The following PTGS2 variants were observed in gnomAD, a reference collection of about 807,000 sequenced individuals.
PTGS2 encodes the protein prostaglandin-endoperoxide synthase 2.
A neutral mutation model predicts 63.8 loss-of-function variants in PTGS2; 14 were observed. The ratio of observed to expected loss-of-function variants is 0.22; its 90% CI spans 0.14 to 0.34. PTGS2 has a LOEUF of 0.34. Ranked by LOEUF, PTGS2 falls within the 10% of genes least tolerant of loss-of-function variation. The pLI is 1.00. For missense variants in PTGS2, 533 were observed against 738.5 expected (o/e 0.72, Z 3.23); for synonymous variants, 271 against 259.5 (o/e 1.04, Z -0.43).
In PTGS2 at chr1:186,671,972, A is replaced by T. The variant is rs185983564; in HGVS notation, c.*2381T>A. 1 of 147,454 alleles carries T rather than the reference A, an allele frequency of 6.8e-6. No homozygotes were observed. Among genetic ancestry groups the T allele is most frequent in the African/African-American group, 2.7e-5 (1 of 37,510 alleles). The allele number at this position is 147,454 out of a possible 1,614,324, so 9.1% of individuals were successfully genotyped here. A position where few individuals can be genotyped will look rare whatever the true frequency, so the allele number is the denominator to read the frequency against. Reference sequence around the variant, plus strand: ...AGGTTTTGTCAGCAGATCAATGTTAATAACAAATCAAGTTTTTTTTTTAAA... The same window carrying T: ...AGGTTTTGTCAGCAGATCAATGTTATTAACAAATCAAGTTTTTTTTTTAAA... On this transcript the variant is annotated 3_prime_UTR_variant, in exon 10 of 10. Transcript: ENST00000367468.
intron 4 of PTGS2, among the ~76,000 whole-genome samples, 176 bp downstream of exon 4, chr1:186,678,085 T>G (rs1174828930): frequency 6.6e-6 from 1 of 152,214 alleles, no homozygotes; most frequent in Non-Finnish European, 1.5e-5. Context: ...CTCATTTGCT[T>G]TTACATAATA....
rs778980844 is a variant in PTGS2, at chr1:186,674,304, A to G, written c.*49T>C. 6.9e-6 allele frequency: 8 copies of G among 1,155,990 alleles called. No homozygotes were observed. In the East Asian group the frequency reaches 2.4e-4, roughly 35 times the overall value. The allele number at this position is 1,155,990 out of a possible 1,614,324, so 71.6% of individuals were successfully genotyped here. Reference sequence around the variant, plus strand: ...TAATATAAATATTATTAAATAATTAAATTAATAGACATGGTTCATATAAAT... The same window carrying G: ...TAATATAAATATTATTAAATAATTAGATTAATAGACATGGTTCATATAAAT... On this transcript the variant is annotated 3_prime_UTR_variant, in exon 10 of 10. Transcript: ENST00000367468.
At chr1:186,676,224 C>A in intron 7 of PTGS2, 40 bp from the exon 8 acceptor site, 3 of 1,526,276 alleles carry the variant, frequency 2.0e-6, no homozygotes, top group Non-Finnish European at 1.8e-6. Flanking sequence ...TTTATTGCAT[C>A]TGATCACAAG....
In PTGS2 at chr1:186,678,400, T is replaced by C. The variant is rs557821908; in HGVS notation, c.318A>G (p.Arg106=). The change falls in exon 4 of 10, where the codon AGA becomes AGG. Residue 106 remains arginine (R), a synonymous_variant. Coordinates refer to ENST00000367468, the MANE Select transcript of PTGS2 (RefSeq NM_000963.4). ...NAIMSYVLTS[R]SHLIDSPPTY... ...TTGGTGGACTGTCAATCAAATGTGA[T>C]CTGGCTGAAATTTTCAAAGAAAAAA... The C allele has an allele frequency of 8.2e-6, 13 of 1,591,288 alleles. No homozygotes were observed. The South Asian group carries it at 1.2e-4, about 14-fold the overall frequency.
chr1:186,674,061 A>G lies in PTGS2; in HGVS notation c.*292T>C, dbSNP rs576764583. ...AGTGTTTAAGTATTCAAACATCTTT[A>G]CTTTCGTTCTTATAATATAAGTTGA... On this transcript the variant is annotated 3_prime_UTR_variant, in exon 10 of 10. Coordinates refer to ENST00000367468, the MANE Select transcript of PTGS2 (RefSeq NM_000963.4). The G allele has an allele frequency of 1.2e-5, 2 of 160,130 alleles. No individual in the cohort carries two copies. The highest frequency in any genetic ancestry group is 5.5e-5 in the African/African-American group (2 of 36,422). 9.9% of individuals were successfully genotyped at this position (160,130 alleles called of 1,614,324 possible).
In PTGS2 at chr1:186,679,100, T is replaced by A; in HGVS notation, c.271A>T (p.Ile91Phe). The A allele has an allele frequency of 6.2e-7, 1 of 1,614,126 alleles. No homozygotes were observed. The highest frequency in any genetic ancestry group is 1.1e-5 in the South Asian group (1 of 91,074). Residue 91 changes from isoleucine to phenylalanine, a missense_variant, in exon 3 of 10, where the codon ATT becomes TTT. By Grantham distance (21) the Ile-to-Phe change is conservative. Transcript: ENST00000367468. ...FKGFWNVVNN[I>F]PFLRNAIMSY... ...ATAATTGCATTTCGAAGGAAGGGAA[T>A]GTTATTCACAACGTTCCAAAATCCC...
intron 9 of PTGS2, 51 bp from the exon 10 acceptor site, chr1:186,674,813 T>C (rs369927543): frequency 4.6e-6 from 7 of 1,517,004 alleles, no homozygotes; most frequent in Non-Finnish European, 6.2e-6. Flanking sequence ...CTTCACAAAA[T>C]AAAAAACAGT....
In PTGS2 at chr1:186,678,280, C is replaced by G. The variant is rs201238353; in HGVS notation, c.438G>C (p.Pro146=). ...RALPPVPDDC[P]TPLGVKGKKQ... is the part of the protein sequence containing the mutation. ...ACTCACCTTTGACACCCAAGGGAGT[C>G]GGGCAATCATCAGGCACAGGAGGAA... The change falls in exon 4 of 10, where the codon CCG becomes CCC. Residue 146 remains proline, a synonymous_variant. Transcript: ENST00000367468. The G allele has an allele frequency of 6.2e-7, 1 of 1,609,656 alleles. No homozygotes were observed. Among genetic ancestry groups the G allele is most frequent in the African/African-American group, 1.3e-5 (1 of 74,686 alleles).
Position 186,672,090 on chromosome 1 carries a change from TGA to T in PTGS2, c.*2261_*2262del, listed in dbSNP as rs1321281115. ...CGTAAAATTGTAAAGAAGATTCTCCTGAGTTATCTTTAATGATATTTATTTCA... is the reference window on the plus strand; with the variant it reads ...CGTAAAATTGTAAAGAAGATTCTCCTGTTATCTTTAATGATATTTATTTCA... On this transcript the variant is annotated 3_prime_UTR_variant, in exon 10 of 10. Coordinates refer to ENST00000367468, the MANE Select transcript of PTGS2 (RefSeq NM_000963.4). 1.3e-5 allele frequency: 2 copies of T among 152,122 alleles called. No homozygotes were observed. The highest frequency in any genetic ancestry group is 4.8e-5 in the African/African-American group (2 of 41,462). The allele number at this position is 152,122 out of a possible 1,614,324, so 9.4% of individuals were successfully genotyped here.
rs764607381 is a variant in PTGS2 at position 186,679,201 on chromosome 1, G to A, written c.170C>T (p.Pro57Leu). 8.7e-6 allele frequency: 14 copies of A among 1,613,082 alleles called. No individual in the cohort carries two copies. The highest frequency in any genetic ancestry group is 1.1e-5 in the Non-Finnish European group (13 of 1,179,628). The change falls in exon 3 of 10, where the codon CCG (proline) becomes CTG (leucine). Residue 57 changes from proline (P) to leucine (L), a missense_variant and splice_region_variant. By Grantham distance (98) the Pro-to-Leu change is moderately conservative. This residue lies in a region of PTGS2 where 118 missense variants were observed against 144.6 expected (regional missense o/e 0.82). Transcript: ENST00000367468. ...TAATTTTATTCTTGTCAAAAATTCCGCTGCAAGAAGACGAAGAAAGGGAGG... is the reference window on the plus strand; with the variant it reads ...TAATTTTATTCTTGTCAAAAATTCCACTGCAAGAAGACGAAGAAAGGGAGG... ...TGFYGENCSTPEFLTRIKLFL... is the reference protein window; with the variant it reads ...TGFYGENCSTLEFLTRIKLFL...
chr1:186,676,569 T>C lies in PTGS2; in HGVS notation c.868A>G (p.Ile290Val), dbSNP rs762349072. The change falls in exon 7 of 10, where the codon ATC (isoleucine) becomes GTC (valine). Residue 290 changes from isoleucine to valine, a missense_variant. Ile to Val is a conservative substitution (Grantham distance 29). Around this residue, in one of 5 missense-constraint regions of PTGS2, gnomAD observed 67 missense variants for 152.6 expected, o/e 0.44. Transcript: ENST00000367468. ...LVPGLMMYAT[I>V]WLREHNRVCD... ...ACTCTGTTGTGTTCCCGCAGCCAGATTGTGGCATACATCATCAGACCAGGC... is the reference window on the plus strand; with the variant it reads ...ACTCTGTTGTGTTCCCGCAGCCAGACTGTGGCATACATCATCAGACCAGGC... 8 of 1,614,128 alleles carry C rather than the reference T, an allele frequency of 5.0e-6. No individual in the cohort carries two copies. Among genetic ancestry groups the C allele is most frequent in the Non-Finnish European group, 6.8e-6 (8 of 1,180,014 alleles).
chr1:186,677,564 T>A, intron 5 of PTGS2, 85 bp downstream of exon 5: 5 of 1,283,762 alleles, frequency 3.9e-6, no homozygotes, highest in Non-Finnish European at 5.2e-6. Flanking sequence ...TTTGGATCTA[T>A]CTATCTGTAT....
Position 186,679,059 on chromosome 1 carries a change from T to G in PTGS2, c.312A>C (p.Thr104=). ...LRNAIMSYVL[T]SRSHLIDSPP... ...CCTTAGAAAGACACTTGTACTTACA[T>G]GTCAACACATAACTCATAATTGCAT... Residue 104 remains threonine, a splice_region_variant and synonymous_variant, in exon 3 of 10, where the codon ACA becomes ACC. Coordinates refer to ENST00000367468, the MANE Select transcript of PTGS2 (RefSeq NM_000963.4). The G allele has an allele frequency of 6.2e-7, 1 of 1,613,296 alleles. No homozygotes were observed. The highest frequency in any genetic ancestry group is 8.5e-7 in the Non-Finnish European group (1 of 1,179,696).
At chr1:186,678,519 A>G (rs567471068) in intron 3 of PTGS2, 115 bp from the exon 4 acceptor site, 97 of 982,160 alleles carry the variant, frequency 9.9e-5, no homozygotes, top group South Asian at 1.6e-4. Context: ...TAACTCCAAA[A>G]TAAAAAAAAT....
intron 9 of PTGS2, among the ~76,000 whole-genome samples, 170 bp downstream of exon 9, chr1:186,675,079 A>G (rs1665756760): frequency 6.6e-6 from 1 of 152,208 alleles, no homozygotes; most frequent in Non-Finnish European, 1.5e-5. Flanking sequence ...CAGGAAGTTG[A>G]GGCAGGAGAA....
chr1:186,680,109 T>C, intron 1 of PTGS2, 130 bp downstream of exon 1: 1 of 1,404,690 alleles, frequency 7.1e-7, no homozygotes, highest in Non-Finnish European at 9.7e-7. Context: ...GTCCAAGCTC[T>C]TTCCCAAGTC....
In PTGS2 at chr1:186,672,748, AC is replaced by A. The variant is rs1665711345; in HGVS notation, c.*1604del. 1.3e-5 allele frequency: 2 copies of A among 152,570 alleles called. No homozygotes were observed. Among genetic ancestry groups the A allele is most frequent in the Non-Finnish European group, 2.9e-5 (2 of 67,996 alleles). The allele number at this position is 152,570 out of a possible 1,614,324, so 9.5% of individuals were successfully genotyped here. On this transcript the variant is annotated 3_prime_UTR_variant, in exon 10 of 10. Transcript: ENST00000367468. ...GGGCATTAATTAGAATGGGAACGTA[AC>A]TTTTTCCAGTCACAAACCCCGTACA... is the stretch of plus-strand genomic sequence containing the variant.
At chr1:186,679,780 G>A (rs560879294) in intron 1 of PTGS2, among the ~76,000 whole-genome samples, 2 of 152,206 alleles carry the variant, frequency 1.3e-5, no homozygotes, top group East Asian at 3.9e-4. Flanking sequence ...TCAACATTTA[G>A]GGAAAAATTC....
Position 186,676,108 on chromosome 1 carries a change from T to C in PTGS2, c.1047A>G (p.Pro349=), listed in dbSNP as rs935555878. Residue 349 remains proline, a synonymous_variant, in exon 8 of 10, where the codon CCA becomes CCG. Transcript: ENST00000367468. ...SGYHFKLKFD[P]ELLFNKQFQY... ...GGAATTGTTTGTTGAAAAGTAGTTC[T>C]GGGTCAAATTTCAGTTTGAAGTGAT... 4 of 1,614,026 alleles carry C rather than the reference T, an allele frequency of 2.5e-6. No individual in the cohort carries two copies. The highest frequency in any genetic ancestry group is 3.4e-6 in the Non-Finnish European group (4 of 1,179,986).
Sources: allele counts gnomAD v4.1 joint callset (sites outside exome capture counted in the v4.1 genomes callset), GRCh38; gene constraint gnomAD v4.1.1; regional missense constraint gnomAD v4.1.1; transcripts MANE v1.5; gene names NCBI Gene and HGNC (gene_info 2026-07-23, HGNC 2026-07-21).